The following HLCS variants were observed in gnomAD, a reference collection of about 807,000 sequenced individuals.
HLCS encodes holocarboxylase synthetase.
A neutral mutation model predicts 75.0 loss-of-function variants in HLCS; 53 were observed. The observed-to-expected ratio is 0.71, with a 90% confidence interval of 0.57 to 0.89. The LOEUF (loss-of-function observed/expected upper bound fraction) is 0.89, where lower values mean the gene tolerates loss of function less well. Among genes scored for constraint, HLCS ranks in the 40% least tolerant of loss-of-function variants. The probability of loss-of-function intolerance (pLI) is 0.00; values close to 1 mark genes in which losing one functional copy is unlikely to be tolerated. For synonymous variants in HLCS, 431 were observed against 428.6 expected, an observed-to-expected ratio of 1.01 and a Z score of -0.07; for missense variants, 966 against 1,074.0, an observed-to-expected ratio of 0.90 and a Z score of 1.41.
intron 6 of HLCS, among the ~76,000 whole-genome samples, chr21:36,855,611 C>T (rs1447995358): frequency 1.3e-5 from 2 of 151,118 alleles, no homozygotes; most frequent in Admixed American, 6.6e-5. Flanking sequence ...GACAGGATCT[C>T]GCTCTATTGT....
intron 6 of HLCS, among the ~76,000 whole-genome samples, chr21:36,857,170 G>A (rs770004319): frequency 4.6e-5 from 7 of 152,190 alleles, no homozygotes; most frequent in Non-Finnish European, 1.0e-4. Flanking sequence ...ACCCGTATCA[G>A]GATTGCTTAT....
chr21:36,868,300 A>G (rs1249538791), intron 6 of HLCS, among the ~76,000 whole-genome samples: 1 of 152,062 alleles, frequency 6.6e-6, no homozygotes, highest in East Asian at 1.9e-4. Flanking sequence ...AGAAAAAGAA[A>G]AACAGTAAGA....
chr21:36,829,894 A>G (rs577472054), intron 6 of HLCS, among the ~76,000 whole-genome samples: 11 of 152,218 alleles, frequency 7.2e-5, no homozygotes, highest in African/African-American at 2.2e-4. Flanking sequence ...CTCCTGTAGT[A>G]CAACCCGGCT....
intron 1 of HLCS, among the ~76,000 whole-genome samples, chr21:36,984,213 T>TC (rs1284873366): frequency 6.6e-5 from 2 of 30,450 alleles, no homozygotes; most frequent in Non-Finnish European, 9.8e-5. Flanking sequence ...GGTAGAGTAG[T>TC]CCCCCCTTAT....
rs532529185 is a variant in HLCS, at chr21:36,857,865, A to G, written c.1892+38995T>C. On this transcript the variant is annotated intron_variant, in intron 6 of 10. Transcript: ENST00000674895. ...AGTGCAGTGGTGCAATCTCGGCTCA[A>G]TGCAACCTCTCCCTCCCAGGTTCAA... Among the ~76,000 whole-genome samples, 5 of 152,086 alleles carry G rather than the reference A, an allele frequency of 3.3e-5. No individual in the cohort carries two copies. In the East Asian group the frequency reaches 9.7e-4, roughly 29 times the overall value.
intron 6 of HLCS, among the ~76,000 whole-genome samples, chr21:36,810,394 G>A (rs2061478049): frequency 6.6e-6 from 1 of 152,162 alleles, no homozygotes; most frequent in African/African-American, 2.4e-5. Context: ...GATCAAAGAT[G>A]TATATAAACA....
upstream of HLCS, among the ~76,000 whole-genome samples, chr21:36,967,182 G>C (rs1429913488): frequency 6.6e-6 from 1 of 152,124 alleles, no homozygotes; most frequent in Non-Finnish European, 1.5e-5. Flanking sequence ...GCAGCACACC[G>C]GGAGTCCCAG....
chr21:36,951,705 T>A (rs2067677350), intron 2 of HLCS, among the ~76,000 whole-genome samples: 1 of 152,192 alleles, frequency 6.6e-6, no homozygotes, highest in Non-Finnish European at 1.5e-5. Flanking sequence ...AATGCCTTGA[T>A]CAAGTACAAG....
rs1326784612 is a variant in HLCS at position 36,827,813 on chromosome 21, C to A, written c.1893-60528G>T. Among the ~76,000 whole-genome samples, 3 of 131,636 alleles carry A rather than the reference C, an allele frequency of 2.3e-5. No individual in the cohort carries two copies. The South Asian group carries it at 7.1e-4, about 31-fold the overall frequency. 86.4% of individuals were successfully genotyped at this position (131,636 alleles called of 152,430 possible). A position where few individuals can be genotyped will look rare whatever the true frequency, so the allele number is the denominator to read the frequency against. The stretch of plus-strand genomic sequence containing the variant: ...GTGGTAAGTATTTTTCTTTTTCTTT[C>A]TTTCTTTTTTTTTTTTTTGAGACAG... On this transcript the variant is annotated intron_variant, in intron 6 of 10. Coordinates refer to ENST00000674895, the MANE Select transcript of HLCS (RefSeq NM_001352514.2).
chr21:36,871,523 G>A (rs2063769104), intron 6 of HLCS, among the ~76,000 whole-genome samples: 1 of 151,906 alleles, frequency 6.6e-6, no homozygotes, highest in African/African-American at 2.4e-5. Flanking sequence ...CATGCAACAA[G>A]GGCTACCAAA....
intron 6 of HLCS, among the ~76,000 whole-genome samples, chr21:36,769,269 G>A (rs1024359766): frequency 6.6e-6 from 1 of 152,198 alleles, no homozygotes; most frequent in African/African-American, 2.4e-5. Context: ...ACCGGGGAAG[G>A]AGCTAATGCT....
At chr21:36,956,205 G>A (rs2067934737) in intron 2 of HLCS, among the ~76,000 whole-genome samples, 1 of 152,142 alleles carries the variant, frequency 6.6e-6, no homozygotes, top group African/African-American at 2.4e-5. Context: ...GGGAGGAGGG[G>A]TAGGGGGAGT....
intron 1 of HLCS, among the ~76,000 whole-genome samples, chr21:36,973,124 G>A (rs1278339247): frequency 6.6e-6 from 1 of 151,896 alleles, no homozygotes; most frequent in African/African-American, 2.4e-5. Context: ...CAGCTTCTCG[G>A]GAGGCTGAGG....
chr21:36,817,986 A>C (rs575138480), intron 6 of HLCS, among the ~76,000 whole-genome samples: 1 of 152,254 alleles, frequency 6.6e-6, no homozygotes, highest in Non-Finnish European at 1.5e-5. Flanking sequence ...CTTTTCTTCC[A>C]TTTTCTGAGG....
At chr21:36,907,786 T>A (rs2065523589) in intron 5 of HLCS, among the ~76,000 whole-genome samples, 1 of 152,126 alleles carries the variant, frequency 6.6e-6, no homozygotes, top group East Asian at 1.9e-4. Context: ...AAAGAAGTCT[T>A]AAAATTGTAA....
intron 5 of HLCS, among the ~76,000 whole-genome samples, chr21:36,926,958 C>T (rs186150131): frequency 1.3e-5 from 2 of 152,212 alleles, no homozygotes; most frequent in East Asian, 1.9e-4. Context: ...GTTGCCCAGG[C>T]TGGTCTCGAA....
rs956554035 is a variant in HLCS at position 36,966,504 on chromosome 21, G to A, written c.135C>T (p.Pro45=). ...GGCTCAGGCACACGCGGGCGCCCGG[G>A]GGCTGCGCGGCCGCGCCGCAGAAGG... The part of the protein sequence containing the change: ...SFTFCGAAAQ[P]PGARVCLSRG... The change falls in exon 1 of 11, where the codon CCC becomes CCT. Residue 45 remains proline (P), a synonymous_variant. Transcript: ENST00000674895. 11 of 986,368 alleles carry A rather than the reference G, an allele frequency of 1.1e-5. No homozygotes were observed. The highest frequency in any genetic ancestry group is 1.3e-5 in the Non-Finnish European group (11 of 831,516). 61.1% of individuals were successfully genotyped at this position (986,368 alleles called of 1,614,324 possible).
chr21:36,880,246 C>G (rs879441637), intron 6 of HLCS, among the ~76,000 whole-genome samples: 1 of 152,066 alleles, frequency 6.6e-6, no homozygotes, highest in Non-Finnish European at 1.5e-5. Context: ...AACAAAGGTT[C>G]CAAGAAGGCC....
intron 6 of HLCS, among the ~76,000 whole-genome samples, chr21:36,769,234 A>G (rs1410739817): frequency 6.6e-6 from 1 of 152,210 alleles, no homozygotes; most frequent in African/African-American, 2.4e-5. Context: ...GAAGGCCAAG[A>G]GGAAATTCTG....
Sources: allele counts gnomAD v4.1 joint callset (sites outside exome capture counted in the v4.1 genomes callset), GRCh38; gene constraint gnomAD v4.1.1; transcripts MANE v1.5; gene names NCBI Gene and HGNC (gene_info 2026-07-23, HGNC 2026-07-21).